Variants in DHRSX observed in about 807,000 individuals in gnomAD.
DHRSX encodes polyprenol dehydrogenase.
DHRSX carries 31 observed loss-of-function variants against 34.0 expected under a neutral mutation model. The observed-to-expected ratio is 0.91, with a 90% CI of 0.69 to 1.23. The LOEUF (loss-of-function observed/expected upper bound fraction) is 1.23, where lower values mean the gene tolerates loss of function less well. Among genes scored for constraint, DHRSX ranks in the 50% most tolerant of loss-of-function variants. DHRSX has a pLI of 0.00. For missense variants in DHRSX, 414 were observed against 428.1 expected (o/e 0.97, Z 0.29); for synonymous variants, 201 against 183.8 (o/e 1.09, Z -0.76).
At chrX:2,333,522 C>A (rs1480916459) in intron 3 of DHRSX, among the ~76,000 whole-genome samples, 1 of 152,156 alleles carries the variant, frequency 6.6e-6, no homozygotes, top group African/African-American at 2.4e-5. Context: ...TCAAGTGATT[C>A]TTGTGCCTCA....
At chrX:2,375,767 C>G (rs907802937) in intron 3 of DHRSX, among the ~76,000 whole-genome samples, 1 of 135,944 alleles carries the variant, frequency 7.4e-6, no homozygotes, top group East Asian at 2.0e-4. Context: ...TCAGTAGCTA[C>G]GACTACAGGC....
At chrX:2,230,253 GCA>G (rs746208577) in intron 6 of DHRSX, among the ~76,000 whole-genome samples, 192 of 152,318 alleles carry the variant, frequency 1.3e-3, no homozygotes, top group African/African-American at 4.5e-3. Context: ...ATGTGTACGT[GCA>G]CACACGTGCT....
chrX:2,237,380 A>C (rs1362557087), intron 6 of DHRSX, among the ~76,000 whole-genome samples: 1 of 152,132 alleles, frequency 6.6e-6, no homozygotes, highest in Non-Finnish European at 1.5e-5. Context: ...AAGTGGGCGC[A>C]GTCTACACTG....
At chrX:2,248,341 G>A (rs932821974) in intron 5 of DHRSX, among the ~76,000 whole-genome samples, 8 of 151,950 alleles carry the variant, frequency 5.3e-5, no homozygotes, top group African/African-American at 1.9e-4. Flanking sequence ...GCTGAGGCAG[G>A]AGAATGGTGT....
intron 3 of DHRSX, among the ~76,000 whole-genome samples, chrX:2,402,632 C>T (rs1167503414): frequency 6.6e-6 from 1 of 152,140 alleles, no homozygotes; most frequent in East Asian, 1.9e-4. Context: ...ACTGGAGAGT[C>T]CCCCAGCAGT....
chrX:2,424,855 C>A (rs1458696169), intron 2 of DHRSX, among the ~76,000 whole-genome samples: 1 of 152,100 alleles, frequency 6.6e-6, no homozygotes, highest in Non-Finnish European at 1.5e-5. Flanking sequence ...ACACAACTAA[C>A]TCTGCCAGGC....
At chrX:2,479,232 T>A (rs961208975) in intron 1 of DHRSX, among the ~76,000 whole-genome samples, 6 of 151,288 alleles carry the variant, frequency 4.0e-5, no homozygotes, top group African/African-American at 1.5e-4. Flanking sequence ...AGATGATCCC[T>A]AAGCATGTGG....
intron 3 of DHRSX, among the ~76,000 whole-genome samples, chrX:2,394,278 T>A (rs1215890292): frequency 6.6e-6 from 1 of 151,888 alleles, no homozygotes; most frequent in Non-Finnish European, 1.5e-5. Flanking sequence ...CAGGGAGGGG[T>A]ATACCTGCCC....
chrX:2,478,201 G>A (rs754130443), intron 1 of DHRSX, among the ~76,000 whole-genome samples: 38 of 152,298 alleles, frequency 2.5e-4, no homozygotes, highest in African/African-American at 7.7e-4. Context: ...TCAGCACGGT[G>A]GCTGGAGGAT....
At chrX:2,319,219 CCCCCTCCCTTCTCCTCCT>C (rs967612694) in intron 3 of DHRSX, among the ~76,000 whole-genome samples, 20 of 134,122 alleles carry the variant, frequency 1.5e-4, no homozygotes, top group African/African-American at 5.1e-4. Flanking sequence ...CCCCTCCTCC[CCCCCTCCCTTCTCCTCCT>C]CCCCTCCCCC....
rs1321178246 is a variant in DHRSX at position 2,379,571 on chromosome X, G to A, written c.286+29174C>T. Among the ~76,000 whole-genome samples, 7 of 147,978 alleles carry A rather than the reference G, an allele frequency of 4.7e-5. No individual in the cohort carries two copies. In the East Asian group the frequency reaches 1.4e-3, roughly 30 times the overall value. On this transcript the variant is annotated intron_variant, in intron 3 of 6. Transcript: ENST00000334651. Reference sequence around the variant, plus strand: ...GAATTTATTTCTAGGAAGAAAATGAGCGACCTGTGGGCTGGCAGTGGAGGT... The same window carrying A: ...GAATTTATTTCTAGGAAGAAAATGAACGACCTGTGGGCTGGCAGTGGAGGT...
Position 2,221,117 on chromosome X carries a change from G to A in DHRSX, c.917C>T (p.Thr306Ile), listed in dbSNP as rs1202431492. 6.2e-7 allele frequency: 1 copy of A among 1,613,816 alleles called. No homozygotes were observed. Among genetic ancestry groups the A allele is most frequent in the Non-Finnish European group, 8.5e-7 (1 of 1,179,868 alleles). The change falls in exon 7 of 7, where the codon ACC becomes ATC. Residue 306 changes from threonine to isoleucine, a missense_variant. By Grantham distance (89) the Thr-to-Ile change is moderately conservative. Transcript: ENST00000334651. Reference protein sequence around the residue: ...NEKETKSLHVTYNQKLQQQLW... With the variant: ...NEKETKSLHVIYNQKLQQQLW... The stretch of plus-strand genomic sequence containing the variant: ...CTGCTGCTGCAGTTTCTGGTTGTAG[G>A]TGACGTGGAGGGACTTGGTCTCTTT...
chrX:2,500,690 C>G (rs1232909159), intron 1 of DHRSX, 127 bp downstream of exon 1: 2 of 191,574 alleles, frequency 1.0e-5, no homozygotes, highest in East Asian at 3.3e-4. Flanking sequence ...TCGACCCCCG[C>G]CCAGCCCCAC....
chrX:2,331,451 T>G lies in DHRSX; in HGVS notation c.287-39848A>C, dbSNP rs866047531. Among the ~76,000 whole-genome samples, 183 of 138,140 alleles carry G rather than the reference T, an allele frequency of 1.3e-3. 3 individuals carry two copies. The highest frequency in any genetic ancestry group is 4.0e-3 in the African/African-American group (155 of 38,730). 90.6% of individuals were successfully genotyped at this position (138,140 alleles called of 152,430 possible). On this transcript the variant is annotated intron_variant, in intron 3 of 6. Coordinates refer to ENST00000334651, the MANE Select transcript of DHRSX (RefSeq NM_145177.3). ...AGGTTTTTTGGTTTTTTTTTTTTTTTTTTTTTTTTTTTTGAGACGGAGTTT... is the reference window on the plus strand; with the variant it reads ...AGGTTTTTTGGTTTTTTTTTTTTTTGTTTTTTTTTTTTTGAGACGGAGTTT...
chrX:2,320,764 ACAAT>A (rs1294048501), intron 3 of DHRSX, among the ~76,000 whole-genome samples: 2 of 151,546 alleles, frequency 1.3e-5, no homozygotes, highest in African/African-American at 2.4e-5. Flanking sequence ...CCCTCCTTAC[ACAAT>A]CAGAGACAGT....
intron 3 of DHRSX, chrX:2,334,987 C>T (rs1411238659): frequency 3.3e-5 from 5 of 151,864 alleles, no homozygotes; most frequent in African/African-American, 1.2e-4. Context: ...CAAGACAAGT[C>T]TGGCCAACAT....
At chrX:2,292,414 G>C (rs1251742077) in intron 3 of DHRSX, among the ~76,000 whole-genome samples, 1 of 152,218 alleles carries the variant, frequency 6.6e-6, no homozygotes, top group East Asian at 1.9e-4. Flanking sequence ...AAGAGAGAAT[G>C]CAGTTACACC....
chrX:2,372,685 T>C (rs2043088327), intron 3 of DHRSX, among the ~76,000 whole-genome samples: 1 of 151,658 alleles, frequency 6.6e-6, no homozygotes, highest in South Asian at 2.1e-4. Flanking sequence ...CTCGGCTCAC[T>C]GCAACCTCCG....
chrX:2,295,848 G>C (rs997806168), intron 3 of DHRSX, among the ~76,000 whole-genome samples: 3 of 152,124 alleles, frequency 2.0e-5, no homozygotes, highest in African/African-American at 7.2e-5. Flanking sequence ...TGGCAATACC[G>C]AAGCACAAAG....
Sources: allele counts gnomAD v4.1 joint callset (sites outside exome capture counted in the v4.1 genomes callset), GRCh38; gene constraint gnomAD v4.1.1; transcripts MANE v1.5; gene names NCBI Gene and HGNC (gene_info 2026-07-23, HGNC 2026-07-21).